The following KLHL12 variants were observed in gnomAD, a reference collection of about 807,000 sequenced individuals.
The protein encoded by KLHL12 is kelch like family member 12.
Under a neutral mutation model 60.8 loss-of-function variants are expected in KLHL12, and 17 were observed. The ratio of observed to expected loss-of-function variants is 0.28; its 90% CI spans 0.19 to 0.42. KLHL12 has a LOEUF of 0.42. Among genes scored for constraint, KLHL12 ranks in the 10% least tolerant of loss-of-function variants. The pLI is 1.00. For missense variants in KLHL12, 468 were observed against 722.3 expected, an observed-to-expected ratio of 0.65 and a Z score of 4.04; for synonymous variants, 220 against 250.9, an observed-to-expected ratio of 0.88 and a Z score of 1.16.
intron 3 of KLHL12, 53 bp from the exon 4 acceptor site, chr1:202,918,441 T>C: frequency 7.4e-7 from 1 of 1,353,608 alleles, no homozygotes; most frequent in South Asian, 1.2e-5. Context: ...AGGTGTGATC[T>C]AGGATATATT....
At chr1:202,901,474 T>A (rs11809627) in intron 6 of KLHL12, among the ~76,000 whole-genome samples, 3 of 128,462 alleles carry the variant, frequency 2.3e-5, no homozygotes, top group Non-Finnish European at 5.1e-5. Context: ...TTTTTTTTTT[T>A]AATTTTTTAA....
At chr1:202,924,917 A>G in intron 2 of KLHL12, 51 bp downstream of exon 2, 1 of 1,569,540 alleles carries the variant, frequency 6.4e-7, no homozygotes, top group Non-Finnish European at 8.6e-7. Flanking sequence ...GTGAAATTAG[A>G]CAACTAGAGT....
rs7536140 is a variant in KLHL12, at chr1:202,909,680, C to T, written c.718-556G>A. Reference sequence around the variant, plus strand: ...CTGCTCTCTGGCTCAGAAGACTGGCCTATATGAACTGTGTCAATAGGGCTT... The same window carrying T: ...CTGCTCTCTGGCTCAGAAGACTGGCTTATATGAACTGTGTCAATAGGGCTT... On this transcript the variant is annotated intron_variant, in intron 5 of 11. Transcript: ENST00000367261. This position sits in a 1 kb window ranked among gnomAD's most constrained non-coding sequence, Gnocchi z 4.1. Among the ~76,000 whole-genome samples the T allele has an allele frequency of 0.23, 35,264 of 151,998 alleles. 4,684 individuals are homozygous for T. Among genetic ancestry groups the T allele is most frequent in the East Asian group, 0.57 (2,914 of 5,144 alleles).
chr1:202,919,725 A>G (rs1255917549), intron 3 of KLHL12, 30 bp downstream of exon 3: 3 of 1,576,664 alleles, frequency 1.9e-6, no homozygotes, highest in African/African-American at 2.7e-5. Flanking sequence ...CTATTTTGAC[A>G]TAAACAATAG....
chr1:202,896,592 C>T (rs148880605), intron 7 of KLHL12, among the ~76,000 whole-genome samples: 202 of 152,344 alleles, frequency 1.3e-3, no homozygotes, highest in African/African-American at 4.4e-3. Context: ...AGGAATTATA[C>T]AGACAGCTTA....
At chr1:202,921,054 A>C (rs1035646287) in intron 2 of KLHL12, among the ~76,000 whole-genome samples, 2 of 152,070 alleles carry the variant, frequency 1.3e-5, no homozygotes, top group Non-Finnish European at 2.9e-5. Context: ...TCTGTTCCCC[A>C]GGCTGGAGTG....
At chr1:202,910,722 A>G (rs1038017706) in intron 5 of KLHL12, among the ~76,000 whole-genome samples, 1 of 152,214 alleles carries the variant, frequency 6.6e-6, no homozygotes, top group Admixed American at 6.5e-5. Context: ...TAAGTGTGGC[A>G]TAAGGGCAAT....
At chr1:202,921,971 C>T (rs1341675021) in intron 2 of KLHL12, among the ~76,000 whole-genome samples, 3 of 152,140 alleles carry the variant, frequency 2.0e-5, no homozygotes, top group African/African-American at 7.2e-5. Context: ...GTTTTATTAA[C>T]ATTTAATACA....
intron 6 of KLHL12, among the ~76,000 whole-genome samples, chr1:202,901,582 A>C (rs1232748885): frequency 1.3e-5 from 2 of 151,970 alleles, no homozygotes; most frequent in African/African-American, 4.8e-5. Flanking sequence ...GATTACAGAC[A>C]TGAGCCACTG....
At chr1:202,907,705 A>C (rs186816403) in intron 6 of KLHL12, among the ~76,000 whole-genome samples, 2 of 151,652 alleles carry the variant, frequency 1.3e-5, no homozygotes, top group Admixed American at 6.6e-5. Context: ...CAGGAGTTCA[A>C]GACCCAGCCT....
Position 202,925,085 on chromosome 1 carries a change from G to C in KLHL12, c.78C>G (p.Leu26=). 1 of 1,614,124 alleles carries C rather than the reference G, an allele frequency of 6.2e-7. No homozygotes were observed. Among genetic ancestry groups the C allele is most frequent in the South Asian group, 1.1e-5 (1 of 91,076 alleles). ...CATCACAGAGGGTATTGCTCTTCCT[G>C]AGGGAGTTCATTGAATTGAGGATGG... ...AKSILNSMNS[L]RKSNTLCDVT... The change falls in exon 2 of 12, where the codon CTC becomes CTG. Residue 26 remains leucine (L), a synonymous_variant. Transcript: ENST00000367261.
upstream of KLHL12, chr1:202,928,403 C>T (rs1018174352): frequency 8.3e-6 from 7 of 843,882 alleles, no homozygotes; most frequent in African/African-American, 5.3e-5. Flanking sequence ...TCCTCCCTAC[C>T]GCTCACTAGG....
chr1:202,918,079 A>T, intron 4 of KLHL12, 92 bp downstream of exon 4: 1 of 906,852 alleles, frequency 1.1e-6, no homozygotes, highest in Non-Finnish European at 1.7e-6. Context: ...ACACTTAATT[A>T]TGAAGCCCTG....
intron 1 of KLHL12, among the ~76,000 whole-genome samples, chr1:202,926,582 T>G (rs998598562): frequency 6.6e-6 from 1 of 152,212 alleles, no homozygotes; most frequent in Admixed American, 6.5e-5. Context: ...CCATTTACTA[T>G]GAAGACAGCC....
At chr1:202,894,349 C>T in intron 9 of KLHL12, 67 bp from the exon 10 acceptor site, 2 of 1,087,164 alleles carry the variant, frequency 1.8e-6, no homozygotes, top group Non-Finnish European at 2.7e-6. Flanking sequence ...CGGTTTTTTT[C>T]TGAGTGCTTC....
At chr1:202,920,219 C>G (rs543187282) in intron 2 of KLHL12, among the ~76,000 whole-genome samples, 181 of 151,910 alleles carry the variant, frequency 1.2e-3, no homozygotes, top group Non-Finnish European at 2.3e-3. Context: ...GAGGCTGAGG[C>G]AGGAGAATTG....
chr1:202,911,773 C>T (rs555228770), intron 4 of KLHL12: 7 of 674,394 alleles, frequency 1.0e-5, no homozygotes, highest in South Asian at 5.6e-5. Context: ...TGGACGCCGC[C>T]GAAGAAGCAT....
In KLHL12 at chr1:202,909,361, A is replaced by T. The variant is rs146629149; in HGVS notation, c.718-237T>A. ...ATCAAAAATCAAATGATATAAACAG[A>T]TATGTTGAGCAGTATTTCCCATCTA... is the stretch of plus-strand genomic sequence containing the variant. On this transcript the variant is annotated intron_variant, in intron 5 of 11. Transcript: ENST00000367261. This position sits in a 1 kb window ranked among gnomAD's most constrained non-coding sequence, Gnocchi z 4.1. Among the ~76,000 whole-genome samples the T allele has an allele frequency of 6.6e-6, 1 of 151,454 alleles. No individual in the cohort carries two copies. Among genetic ancestry groups the T allele is most frequent in the African/African-American group, 2.4e-5 (1 of 41,060 alleles).
chr1:202,911,024 T>A, intron 5 of KLHL12, 30 bp downstream of exon 5: 2 of 1,611,268 alleles, frequency 1.2e-6, no homozygotes, highest in Non-Finnish European at 1.7e-6. Context: ...CCGTCAAGGT[T>A]TTGGATCCTG....
Sources: allele counts gnomAD v4.1 joint callset (sites outside exome capture counted in the v4.1 genomes callset), GRCh38; gene constraint gnomAD v4.1.1; non-coding constraint Gnocchi (gnomAD v3.1); transcripts MANE v1.5; gene names NCBI Gene and HGNC (gene_info 2026-07-23, HGNC 2026-07-21).